MANSC1: variants seen among roughly 807,000 people sequenced by gnomAD.
The protein encoded by MANSC1 is MANSC domain containing 1.
MANSC1 carries 13 observed loss-of-function variants against 14.1 expected under a neutral mutation model. That is an observed-to-expected ratio of 0.92 (90% confidence interval 0.60 to 1.46). MANSC1 has a LOEUF of 1.46. MANSC1 is among the 40% of genes most tolerant of loss of function. The pLI, the probability that MANSC1 is intolerant of heterozygous loss-of-function variation, is 0.00. For missense variants in MANSC1, 486 were observed against 511.4 expected, an observed-to-expected ratio of 0.95 and a Z score of 0.48; for synonymous variants, 227 against 200.7, an observed-to-expected ratio of 1.13 and a Z score of -1.11.
chr12:12,341,286 C>G (rs1347222382), intron 2 of MANSC1, among the ~76,000 whole-genome samples: 1 of 152,208 alleles, frequency 6.6e-6, no homozygotes, highest in East Asian at 1.9e-4. Flanking sequence ...TACAAATGAA[C>G]AGCCAAAAGA....
Position 12,330,360 on chromosome 12 carries a change from C to T in MANSC1, c.963G>A (p.Pro321=), listed in dbSNP as rs146158847. ...TDSKGSLETI[P]FTEISNLTLN... The stretch of plus-strand genomic sequence containing the variant: ...AAGTTAGGTTGGAGATTTCTGTAAA[C>T]GGTATGGTTTCTAAGCTGCCTTTCG... The change falls in exon 4 of 4, where the codon CCG becomes CCA. Residue 321 remains proline, a synonymous_variant. Coordinates refer to ENST00000535902, the MANE Select transcript of MANSC1 (RefSeq NM_018050.4). 3.6e-4 allele frequency: 580 copies of T among 1,614,166 alleles called. 6 individuals are homozygous for T. In the African/African-American group the frequency reaches 5.7e-3, roughly 16 times the overall value.
At chr12:12,338,321 C>A in intron 3 of MANSC1, 99 bp downstream of exon 3, 1 of 1,101,964 alleles carries the variant, frequency 9.1e-7, no homozygotes, top group Non-Finnish European at 1.3e-6. Flanking sequence ...TCTGGTACCC[C>A]TTCTGGTAGT....
Position 12,330,291 on chromosome 12 carries a change from T to C in MANSC1, c.1032A>G (p.Ser344=), listed in dbSNP as rs202214847. 30 of 1,614,226 alleles carry C rather than the reference T, an allele frequency of 1.9e-5. No individual in the cohort carries two copies. In the African/African-American group the frequency reaches 3.5e-4, roughly 19 times the overall value. The change falls in exon 4 of 4, where the codon TCA becomes TCG. Residue 344 remains serine, a synonymous_variant. Coordinates refer to ENST00000535902, the MANE Select transcript of MANSC1 (RefSeq NM_018050.4). The part of the protein sequence containing the change: ...NVYNPTALSM[S]NVESSTMNKT... Reference sequence around the variant, plus strand: ...TATTCATAGTGGAAGACTCCACATTTGACATAGAAAGTGCAGTAGGGTTAT... The same window carrying C: ...TATTCATAGTGGAAGACTCCACATTCGACATAGAAAGTGCAGTAGGGTTAT...
At chr12:12,348,429 T>G (rs900462164) in intron 1 of MANSC1, among the ~76,000 whole-genome samples, 1 of 152,172 alleles carries the variant, frequency 6.6e-6, no homozygotes, top group Non-Finnish European at 1.5e-5. Flanking sequence ...TAACTGCATA[T>G]TCCTAAGTCA....
chr12:12,348,661 A>T (rs933411305), intron 1 of MANSC1, among the ~76,000 whole-genome samples: 9 of 151,872 alleles, frequency 5.9e-5, no homozygotes, highest in Non-Finnish European at 8.8e-5. Context: ...AATGTAAAAC[A>T]CACAGAGTGA....
rs1862782391 is a variant in MANSC1 at position 12,330,944 on chromosome 12, T to C, written c.379A>G (p.Thr127Ala). The change falls in exon 4 of 4, where the codon ACC becomes GCC. Residue 127 changes from threonine to alanine, a missense_variant. By Grantham distance (58) the Thr-to-Ala change is moderately conservative. Transcript: ENST00000535902. ...YRIITDFPSL[T>A]RNLPSQELPQ... Reference sequence around the variant, plus strand: ...AACTCTTGGCTTGGCAAATTTCTGGTCAAAGATGGAAAATCTGAAAATGTA... The same window carrying C: ...AACTCTTGGCTTGGCAAATTTCTGGCCAAAGATGGAAAATCTGAAAATGTA... 1 of 1,578,526 alleles carries C rather than the reference T, an allele frequency of 6.3e-7. No individual in the cohort carries two copies. The highest frequency in any genetic ancestry group is 1.9e-5 in the Admixed American group (1 of 51,938).
chr12:12,342,576 GTTTTTTTGTTTTTTTTTTT>G (rs1411666814), intron 2 of MANSC1, among the ~76,000 whole-genome samples: 13 of 103,982 alleles, frequency 1.3e-4, no homozygotes, highest in Non-Finnish European at 2.1e-4. Context: ...AGTAGTCAGT[GTTTTTTTGTTTTTTTTTTT>G]TTTTTTTTTT....
At chr12:12,342,919 T>C (rs922306905) in intron 2 of MANSC1, among the ~76,000 whole-genome samples, 173 bp downstream of exon 2, 15 of 152,144 alleles carry the variant, frequency 9.9e-5, no homozygotes, top group African/African-American at 3.4e-4. Context: ...ATCAATAACT[T>C]TGACTCAGCT....
At position 12,329,767 on chromosome 12, in the gene MANSC1, C is replaced by A. The variant is rs1565790515; in HGVS notation, c.*260G>T. 1 of 381,588 alleles carries A rather than the reference C, an allele frequency of 2.6e-6. No individual in the cohort carries two copies. The highest frequency in any genetic ancestry group is 4.8e-5 in the East Asian group (1 of 20,958). The allele number at this position is 381,588 out of a possible 1,614,324, so 23.6% of individuals were successfully genotyped here. On this transcript the variant is annotated 3_prime_UTR_variant, in exon 4 of 4. Coordinates refer to ENST00000535902, the MANE Select transcript of MANSC1 (RefSeq NM_018050.4). Reference sequence around the variant, plus strand: ...GGTGTGGTGGCACATGCCTGTAATCCCAGATACTTAGGAGGCTGAGGCAGG... The same window carrying A: ...GGTGTGGTGGCACATGCCTGTAATCACAGATACTTAGGAGGCTGAGGCAGG...
chr12:12,329,080 T>C lies in MANSC1; in HGVS notation c.*947A>G, dbSNP rs1226559342. On this transcript the variant is annotated 3_prime_UTR_variant, in exon 4 of 4. Transcript: ENST00000535902. ...ATGGCCATTTATCAGAACTGACTTA[T>C]CATTGTCTCCATGTGGGCTAACATT... The C allele has an allele frequency of 6.6e-6, 1 of 151,980 alleles. No homozygotes were observed. Among genetic ancestry groups the C allele is most frequent in the African/African-American group, 2.4e-5 (1 of 41,346 alleles). The allele number at this position is 151,980 out of a possible 1,614,324, so 9.4% of individuals were successfully genotyped here. A position where few individuals can be genotyped will look rare whatever the true frequency, so the allele number is the denominator to read the frequency against.
intron 3 of MANSC1, 74 bp from the exon 4 acceptor site, chr12:12,331,032 A>C: frequency 6.3e-6 from 6 of 959,446 alleles, no homozygotes; most frequent in African/African-American, 1.6e-5. Flanking sequence ...ATACAAACAT[A>C]TCAGCTTGTT....
chr12:12,346,101 G>A (rs567143492), intron 1 of MANSC1, among the ~76,000 whole-genome samples: 33 of 152,188 alleles, frequency 2.2e-4, no homozygotes, highest in Middle Eastern at 3.4e-3. Context: ...GTGAAACCCC[G>A]TCTCTACTAA....
At chr12:12,342,584 GTTTTTTTTTTT>G (rs760560592) in intron 2 of MANSC1, among the ~76,000 whole-genome samples, 3 of 41,810 alleles carry the variant, frequency 7.2e-5, no homozygotes, top group Non-Finnish European at 1.3e-4. Context: ...GTGTTTTTTT[GTTTTTTTTTTT>G]TTTTTTTTTT....
intron 2 of MANSC1, 37 bp from the exon 3 acceptor site, chr12:12,338,597 G>A: frequency 6.2e-7 from 1 of 1,603,920 alleles, no homozygotes; most frequent in Non-Finnish European, 8.5e-7. Flanking sequence ...ATTTTGAAAT[G>A]CGATTTTCTA....
intron 1 of MANSC1, among the ~76,000 whole-genome samples, chr12:12,343,847 C>T (rs1862969970): frequency 6.6e-6 from 1 of 152,174 alleles, no homozygotes; most frequent in Non-Finnish European, 1.5e-5. Flanking sequence ...CGTGGTAGCT[C>T]ATGCCTGTAA....
At chr12:12,332,861 G>T (rs1293270719) in intron 3 of MANSC1, among the ~76,000 whole-genome samples, 3 of 151,944 alleles carry the variant, frequency 2.0e-5, no homozygotes, top group African/African-American at 7.3e-5. Flanking sequence ...ATAATCAAAA[G>T]AAAATTGTGT....
At chr12:12,341,252 A>G (rs1311611203) in intron 2 of MANSC1, among the ~76,000 whole-genome samples, 1 of 152,228 alleles carries the variant, frequency 6.6e-6, no homozygotes, top group Non-Finnish European at 1.5e-5. Flanking sequence ...TGCTGTATTT[A>G]CTATTACAGT....
At chr12:12,349,108 T>C (rs1863045162) in intron 1 of MANSC1, among the ~76,000 whole-genome samples, 1 of 152,234 alleles carries the variant, frequency 6.6e-6, no homozygotes, top group Non-Finnish European at 1.5e-5. Flanking sequence ...TAGCTACTGC[T>C]AATACTACTG....
chr12:12,344,553 T>A (rs1343998120), intron 1 of MANSC1, among the ~76,000 whole-genome samples: 1 of 150,348 alleles, frequency 6.7e-6, no homozygotes, highest in African/African-American at 2.5e-5. Flanking sequence ...CACTGTAACC[T>A]CCACCTCTTG....
Sources: gnomAD v4.1 joint callset for allele counts (sites outside exome capture counted in the v4.1 genomes callset) on GRCh38, gnomAD v4.1.1 for gene constraint, MANE v1.5 for transcripts, NCBI Gene and HGNC (gene_info 2026-07-23, HGNC 2026-07-21) for gene names.